Variants in ALG1 observed in about 807,000 individuals in gnomAD.
ALG1 encodes ALG1 chitobiosyldiphosphodolichol beta-mannosyltransferase.
ALG1 carries 58 observed loss-of-function variants against 55.1 expected under a neutral mutation model. That is an observed-to-expected ratio of 1.05 (90% CI 0.85 to 1.31). The LOEUF (loss-of-function observed/expected upper bound fraction) is 1.31. ALG1 is among the 50% of genes most tolerant of loss of function. The pLI, the probability that ALG1 is intolerant of heterozygous loss-of-function variation, is 0.00. For synonymous variants in ALG1, 309 were observed against 247.0 expected (o/e 1.25, Z -2.35); for missense variants, 761 against 598.6 (o/e 1.27, Z -2.83).
intron 6 of ALG1, 119 bp from the exon 7 acceptor site, chr16:5,078,638 G>T: frequency 5.7e-6 from 9 of 1,580,428 alleles, no homozygotes; most frequent in Non-Finnish European, 7.8e-6. Context: ...TGGTGCTGCT[G>T]ATGTGGCTGG....
In ALG1 at chr16:5,086,341, A is replaced by C. The variant is rs1256434362; in HGVS notation, c.*1460A>C. On this transcript the variant is annotated 3_prime_UTR_variant, in exon 13 of 13. Coordinates refer to ENST00000262374, the MANE Select transcript of ALG1 (RefSeq NM_019109.5). ...CAGGGTGAGACTAAGTCTCAAAAAA[A>C]AAAAAAAAAAACCACACGCACCACA... Among the ~76,000 whole-genome samples the C allele has an allele frequency of 1.3e-5, 2 of 151,102 alleles. No individual in the cohort carries two copies. Among genetic ancestry groups the C allele is most frequent in the African/African-American group, 4.9e-5 (2 of 41,208 alleles).
rs2142707365 is a variant in ALG1 at position 5,075,503 on chromosome 16, G to A, written c.506G>A (p.Gly169Asp). 1.2e-6 allele frequency: 2 copies of A among 1,614,148 alleles called. No individual in the cohort carries two copies. Among genetic ancestry groups the A allele is most frequent in the Non-Finnish European group, 1.7e-6 (2 of 1,180,034 alleles). Residue 169 changes from glycine (G) to aspartate (D), a missense_variant, in exon 4 of 13, where the codon GGC becomes GAC. Coordinates refer to ENST00000262374, the MANE Select transcript of ALG1 (RefSeq NM_019109.5). ...YGYSIMGLVH[G>D]PNHPLVLLAK... The stretch of plus-strand genomic sequence containing the variant: ...TACTCCATCATGGGTCTGGTGCATG[G>A]CCCCAACCATCCCCTCGTTCTGCTG...
intron 5 of ALG1, 47 bp from the exon 6 acceptor site, chr16:5,077,860 G>A: frequency 1.3e-6 from 2 of 1,569,524 alleles, no homozygotes; most frequent in Non-Finnish European, 1.7e-6. Context: ...CTGTTCCTGA[G>A]GCCTTTCTTC....
chr16:5,072,860 AAC>A, intron 1 of ALG1, 89 bp from the exon 2 acceptor site: 2 of 1,222,378 alleles, frequency 1.6e-6, no homozygotes, highest in Non-Finnish European at 2.4e-6. Flanking sequence ...TACTTTCCAA[AAC>A]ACTGTCCGTG....
chr16:5,072,801 C>T (rs1956840110), intron 1 of ALG1, 150 bp from the exon 2 acceptor site: 1 of 815,562 alleles, frequency 1.2e-6, no homozygotes, highest in Non-Finnish European at 2.2e-6. Context: ...GAATTGGCCG[C>T]ATTCTCTGTT....
chr16:5,073,704 G>A (rs555164942), intron 3 of ALG1, among the ~76,000 whole-genome samples: 95 of 152,314 alleles, frequency 6.2e-4, no homozygotes, highest in Non-Finnish European at 9.7e-4. Context: ...GCATACGCGC[G>A]CACACACAAA....
intron 9 of ALG1, 27 bp downstream of exon 9, chr16:5,079,834 T>G: frequency 6.2e-7 from 1 of 1,610,008 alleles, no homozygotes; most frequent in South Asian, 1.1e-5. Flanking sequence ...TGGGTGTCTG[T>G]TTGGTTGGGG....
intron 3 of ALG1, 95 bp downstream of exon 3, chr16:5,073,351 G>A: frequency 8.8e-7 from 1 of 1,139,634 alleles, no homozygotes; most frequent in Middle Eastern, 2.8e-4. Flanking sequence ...ATATGTGTGT[G>A]TGTTGTGTGT....
Position 5,075,417 on chromosome 16 carries a change from C to T in ALG1, c.420C>T (p.Val140=). ...CCCCAGGTCTGCCTAGCATTGCTGT[C>T]TGCTGGTTCGTGGGCTGCCTTTGTG... The part of the protein sequence containing the change: ...QNPPGLPSIA[V]CWFVGCLCGS... The change falls in exon 4 of 13, where the codon GTC becomes GTT. Residue 140 remains valine, a synonymous_variant. Transcript: ENST00000262374. 1 of 1,614,220 alleles carries T rather than the reference C, an allele frequency of 6.2e-7. No individual in the cohort carries two copies. The highest frequency in any genetic ancestry group is 8.5e-7 in the Non-Finnish European group (1 of 1,180,046).
intron 4 of ALG1, 107 bp downstream of exon 4, chr16:5,075,643 C>T (rs1956898773): frequency 1.4e-6 from 2 of 1,408,204 alleles, no homozygotes; most frequent in African/African-American, 1.4e-5. Context: ...GTGGGCTCTG[C>T]AGGAGGTGGG....
Position 5,084,901 on chromosome 16 carries a change from A to G in ALG1, c.*20A>G. On this transcript the variant is annotated 3_prime_UTR_variant, in exon 13 of 13. Coordinates refer to ENST00000262374, the MANE Select transcript of ALG1 (RefSeq NM_019109.5). The stretch of plus-strand genomic sequence containing the variant: ...ACATAACTCCTGGGCCAGAGGCTAA[A>G]ACCCCAGGACCCCTGCTGTCCTTCC... The G allele has an allele frequency of 6.3e-7, 1 of 1,596,404 alleles. No individual in the cohort carries two copies. Among genetic ancestry groups the G allele is most frequent in the Non-Finnish European group, 8.5e-7 (1 of 1,179,754 alleles).
rs746944961 is a variant in ALG1, at chr16:5,084,761, A to C, written c.1275A>C (p.Ser425=). ...TTATTTTTTTGCAGATGCTTTTCTC[A>C]AACTTTCCTGATCCTGCGGGCAAGC... ...ELAAQLQMLF[S]NFPDPAGKLN... Residue 425 remains serine (S), a synonymous_variant, in exon 13 of 13, where the codon TCA becomes TCC. Coordinates refer to ENST00000262374, the MANE Select transcript of ALG1 (RefSeq NM_019109.5). 2.4e-5 allele frequency: 38 copies of C among 1,596,370 alleles called. No homozygotes were observed. The highest frequency in any genetic ancestry group is 3.1e-5 in the Non-Finnish European group (37 of 1,179,792).
In ALG1 at chr16:5,072,022, T is replaced by C; in HGVS notation, c.173T>C (p.Met58Thr). 6.3e-7 allele frequency: 1 copy of C among 1,596,848 alleles called. No individual in the cohort carries two copies. Among genetic ancestry groups the C allele is most frequent in the Non-Finnish European group, 8.5e-7 (1 of 1,171,388 alleles). The change falls in exon 1 of 13, where the codon ATG becomes ACG. Residue 58 changes from methionine (M) to threonine (T), a missense_variant. By Grantham distance (81) the Met-to-Thr change is moderately conservative. Coordinates refer to ENST00000262374, the MANE Select transcript of ALG1 (RefSeq NM_019109.5). ...RMQYHALSLA[M>T]HGFSVTLLGF... ...CAGTACCACGCGCTGTCGTTGGCCA[T>C]GCACGGCTTCTCGGTGACCCTCCTG...
In ALG1 at chr16:5,083,742, G is replaced by T; in HGVS notation, c.1248G>T (p.Leu416=). The change falls in exon 12 of 13, where the codon CTG becomes CTT. Residue 416 remains leucine (L), a synonymous_variant. Transcript: ENST00000262374. ...NGLVFEDSEE[L]AAQLQMLFSN... ...TGGTCTTTGAGGACTCAGAGGAACT[G>T]GCAGCTCAGCTGCAGGTAGCCACGT... The T allele has an allele frequency of 6.3e-7, 1 of 1,597,924 alleles. No individual in the cohort carries two copies. The highest frequency in any genetic ancestry group is 8.5e-7 in the Non-Finnish European group (1 of 1,179,786).
At position 5,077,507 on chromosome 16, in the gene ALG1, A is replaced by C. The variant is rs551920948; in HGVS notation, c.602A>C (p.Glu201Ala). 38 of 1,614,190 alleles carry C rather than the reference A, an allele frequency of 2.4e-5. No individual in the cohort carries two copies. The South Asian group carries it at 4.1e-4, about 17-fold the overall frequency. ...CTGTGTGTTACCAATGCTATGCGAG[A>C]AGACCTGGCGGATAACTGGCACATC... The part of the protein sequence containing the change: ...LNLCVTNAMR[E>A]DLADNWHIRA... The change falls in exon 5 of 13, where the codon GAA becomes GCA. Residue 201 changes from glutamate (E) to alanine (A), a missense_variant. Coordinates refer to ENST00000262374, the MANE Select transcript of ALG1 (RefSeq NM_019109.5).
At chr16:5,083,169 G>C (rs930427614) in intron 11 of ALG1, among the ~76,000 whole-genome samples, 1 of 152,196 alleles carries the variant, frequency 6.6e-6, no homozygotes, top group African/African-American at 2.4e-5. Context: ...TGGAAGGGCA[G>C]TGTTAGAGGA....
rs184687626 is a variant in ALG1, at chr16:5,080,076, T to C, written c.961+269T>C. ...GTTGTTGTTACGTCATTGGTGTCTT[T>C]TTTTTTTTTTTTTGAGACAGAGTCT... On this transcript the variant is annotated intron_variant, in intron 9 of 12. Transcript: ENST00000262374. Among the ~76,000 whole-genome samples, 152 of 149,762 alleles carry C rather than the reference T, an allele frequency of 1.0e-3. 2 individuals carry two copies. The East Asian group carries it at 0.021, about 21-fold the overall frequency.
intron 8 of ALG1, 152 bp downstream of exon 8, chr16:5,079,254 C>G (rs1596258000): frequency 9.8e-7 from 1 of 1,019,042 alleles, no homozygotes; most frequent in African/African-American, 1.6e-5. Flanking sequence ...CGCCCTGAAT[C>G]CCCAGTTGGG....
Position 5,084,736 on chromosome 16 carries a change from T to G in ALG1, c.1264-14T>G. On this transcript the variant is annotated splice_polypyrimidine_tract_variant and intron_variant, in intron 12 of 12. Coordinates refer to ENST00000262374, the MANE Select transcript of ALG1 (RefSeq NM_019109.5). ...CAGGCAATGAGGTAAGCTCTGCTCT[T>G]TATTTTTTTGCAGATGCTTTTCTCA... The G allele has an allele frequency of 6.3e-7, 1 of 1,596,410 alleles. No homozygotes were observed.
Sources: gnomAD v4.1 joint callset for allele counts (sites outside exome capture counted in the v4.1 genomes callset) on GRCh38, gnomAD v4.1.1 for gene constraint, MANE v1.5 for transcripts, NCBI Gene and HGNC (gene_info 2026-07-23, HGNC 2026-07-21) for gene names.